Variants in ARHGEF33 observed in about 807,000 individuals in gnomAD.
ARHGEF33 encodes the protein DH and coiled-coil domain-containing protein ENSP00000381780.
A neutral mutation model predicts 101.9 loss-of-function variants in ARHGEF33; 72 were observed. That is an observed-to-expected ratio of 0.71 (90% confidence interval 0.58 to 0.86). The LOEUF (loss-of-function observed/expected upper bound fraction) is 0.86, where lower values mean the gene tolerates loss of function less well. Among genes scored for constraint, ARHGEF33 ranks in the 40% least tolerant of loss-of-function variants. The probability of loss-of-function intolerance (pLI) is 0.00; values close to 1 mark genes in which losing one functional copy is unlikely to be tolerated. For synonymous variants in ARHGEF33, 499 were observed against 442.5 expected (o/e 1.13, Z -1.60); for missense variants, 1,169 against 1,111.3 (o/e 1.05, Z -0.74).
At chr2:38,938,558 A>C (rs749191822) in intron 9 of ARHGEF33, among the ~76,000 whole-genome samples, 29 of 152,142 alleles carry the variant, frequency 1.9e-4, no homozygotes, top group Non-Finnish European at 3.8e-4. Context: ...AAAGTTTTAC[A>C]CTATTTTTTT....
chr2:38,898,837 T>C (rs1035551613), intron 2 of ARHGEF33, among the ~76,000 whole-genome samples: 1 of 152,204 alleles, frequency 6.6e-6, no homozygotes, highest in African/African-American at 2.4e-5. Flanking sequence ...ATGTATTGCA[T>C]ATGCTATTTT....
At chr2:38,952,499 G>A (rs1353523935) in intron 11 of ARHGEF33, among the ~76,000 whole-genome samples, 2 of 152,158 alleles carry the variant, frequency 1.3e-5, no homozygotes, top group African/African-American at 4.8e-5. Context: ...GGACGTACAT[G>A]ATTGACTGAA....
At chr2:38,918,141 C>T (rs187800753) in intron 2 of ARHGEF33, among the ~76,000 whole-genome samples, 28 of 152,284 alleles carry the variant, frequency 1.8e-4, no homozygotes, top group Admixed American at 1.7e-3. Flanking sequence ...TGGGATTCTA[C>T]GGCTAGCAGC....
At chr2:38,944,898 T>TGC (rs995723659) in intron 10 of ARHGEF33, among the ~76,000 whole-genome samples, 1 of 151,782 alleles carries the variant, frequency 6.6e-6, no homozygotes, top group African/African-American at 2.4e-5. Flanking sequence ...TGTGTGTGTG[T>TGC]GTGCGCGCTC....
intron 2 of ARHGEF33, among the ~76,000 whole-genome samples, chr2:38,910,810 T>C (rs1313074134): frequency 1.3e-5 from 2 of 152,206 alleles, no homozygotes; most frequent in South Asian, 2.1e-4. Flanking sequence ...CACACAGGAA[T>C]TGATACCTTT....
intron 7 of ARHGEF33, among the ~76,000 whole-genome samples, chr2:38,933,420 G>T (rs1310842891): frequency 6.6e-6 from 1 of 151,142 alleles, no homozygotes; most frequent in Non-Finnish European, 1.5e-5. Context: ...TTTTGCTCTT[G>T]CCGCCCAGGC....
intron 12 of ARHGEF33, among the ~76,000 whole-genome samples, chr2:38,953,731 G>GA (rs1667670265): frequency 6.6e-6 from 1 of 152,050 alleles, no homozygotes; most frequent in Non-Finnish European, 1.5e-5. Context: ...AGATCAATAG[G>GA]AAAAAACAGT....
chr2:38,893,929 G>A (rs1244738794), intron 1 of ARHGEF33, among the ~76,000 whole-genome samples: 1 of 152,188 alleles, frequency 6.6e-6, no homozygotes, highest in Non-Finnish European at 1.5e-5. Context: ...GGGCTGGAGT[G>A]AAGACTTCTA....
chr2:38,939,435 T>C (rs368451), intron 9 of ARHGEF33, among the ~76,000 whole-genome samples: 141,905 of 152,288 alleles, frequency 0.93, 66,209 homozygotes, highest in Admixed American at 0.94. Context: ...TTGGCTAATA[T>C]TCCCACTAGC....
At chr2:38,946,415 A>T (rs548562750) in intron 10 of ARHGEF33, among the ~76,000 whole-genome samples, 2 of 147,452 alleles carry the variant, frequency 1.4e-5, no homozygotes, top group Non-Finnish European at 3.1e-5. Flanking sequence ...CATGTTAGTT[A>T]TTTGCTAGAC....
intron 14 of ARHGEF33, 63 bp downstream of exon 14, chr2:38,957,110 G>A: frequency 1.3e-6 from 2 of 1,526,898 alleles, no homozygotes; most frequent in Non-Finnish European, 1.8e-6. Context: ...TCTTTCACAA[G>A]TAACCACGTT....
chr2:38,947,669 C>T (rs1255755731), intron 10 of ARHGEF33, among the ~76,000 whole-genome samples: 2 of 152,174 alleles, frequency 1.3e-5, no homozygotes, highest in Non-Finnish European at 2.9e-5. Context: ...GGCTTTTTGG[C>T]TCTGACTCAC....
intron 2 of ARHGEF33, among the ~76,000 whole-genome samples, chr2:38,911,995 G>A (rs1469098404): frequency 6.6e-6 from 1 of 152,246 alleles, no homozygotes; most frequent in Admixed American, 6.5e-5. Context: ...TACCAGCTTG[G>A]TGGCTTCCTC....
intron 2 of ARHGEF33, among the ~76,000 whole-genome samples, chr2:38,917,237 A>G (rs1015008740): frequency 6.6e-6 from 1 of 150,824 alleles, no homozygotes; most frequent in Non-Finnish European, 1.5e-5. Flanking sequence ...GATTACAGGC[A>G]CCTGCCACCA....
intron 16 of ARHGEF33, among the ~76,000 whole-genome samples, chr2:38,961,674 C>A (rs543525568): frequency 2.0e-5 from 3 of 152,132 alleles, no homozygotes. Flanking sequence ...GCTGAAAATT[C>A]AGAAATAAAC....
chr2:38,938,556 A>C (rs1328102619), intron 9 of ARHGEF33, among the ~76,000 whole-genome samples: 2 of 152,190 alleles, frequency 1.3e-5, no homozygotes, highest in African/African-American at 4.8e-5. Context: ...TAAAAGTTTT[A>C]CACTATTTTT....
intron 16 of ARHGEF33, 58 bp downstream of exon 16, chr2:38,960,706 G>T: frequency 8.1e-7 from 1 of 1,240,530 alleles, no homozygotes; most frequent in Non-Finnish European, 1.0e-6. Flanking sequence ...TAGATCTGCA[G>T]GAAGCATCCC....
chr2:38,945,224 C>A (rs962485900), intron 10 of ARHGEF33, among the ~76,000 whole-genome samples: 1 of 152,148 alleles, frequency 6.6e-6, no homozygotes, highest in Admixed American at 6.5e-5. Context: ...CCAGGGAAGC[C>A]CCTAATTATA....
intron 2 of ARHGEF33, among the ~76,000 whole-genome samples, chr2:38,902,004 A>G (rs1189323856): frequency 1.3e-5 from 2 of 151,934 alleles, no homozygotes; most frequent in Non-Finnish European, 1.5e-5. Context: ...AGTCCCAGCT[A>G]CTCGGGAGGC....
Sources: gnomAD v4.1 joint callset for allele counts (sites outside exome capture counted in the v4.1 genomes callset) on GRCh38, gnomAD v4.1.1 for gene constraint, MANE v1.5 for transcripts, NCBI Gene and HGNC (gene_info 2026-07-23, HGNC 2026-07-21) for gene names.